Variants in XYLT1 observed in about 807,000 individuals in gnomAD.
XYLT1 encodes the protein xylosyltransferase 1, also known as beta-D-xylosyltransferase 1.
A neutral mutation model predicts 91.3 loss-of-function variants in XYLT1; 36 were observed. That is an observed-to-expected ratio of 0.39 (90% CI 0.30 to 0.52). The LOEUF (loss-of-function observed/expected upper bound fraction) is 0.52. XYLT1 is among the 20% of genes least tolerant of loss of function. XYLT1 has a pLI of 0.68. For synonymous variants in XYLT1, 588 were observed against 532.0 expected, an observed-to-expected ratio of 1.11 and a Z score of -1.45; for missense variants, 1,242 against 1,284.5, an observed-to-expected ratio of 0.97 and a Z score of 0.51.
At chr16:17,120,161 C>T (rs1357220264) in intron 10 of XYLT1, among the ~76,000 whole-genome samples, 1 of 152,146 alleles carries the variant, frequency 6.6e-6, no homozygotes, top group East Asian at 1.9e-4. Context: ...GTGCCCGGAA[C>T]ACAGTAGGAA....
At chr16:17,182,934 G>A (rs2032103238) in intron 5 of XYLT1, among the ~76,000 whole-genome samples, 1 of 152,148 alleles carries the variant, frequency 6.6e-6, no homozygotes, top group Non-Finnish European at 1.5e-5. Context: ...AGTAAAGCTT[G>A]GATATTCCAT....
At chr16:17,198,807 C>T (rs1237687280) in intron 4 of XYLT1, among the ~76,000 whole-genome samples, 1 of 152,104 alleles carries the variant, frequency 6.6e-6, no homozygotes, top group African/African-American at 2.4e-5. Flanking sequence ...CAAAGTGGTG[C>T]CATCTCAGCT....
intron 10 of XYLT1, among the ~76,000 whole-genome samples, chr16:17,126,746 C>A (rs1306659845): frequency 6.6e-6 from 1 of 152,214 alleles, no homozygotes; most frequent in Non-Finnish European, 1.5e-5. Context: ...CCAGGTGCTG[C>A]AGTTTTGTGT....
At position 17,103,445 on chromosome 16, in the gene XYLT1, A is replaced by G. The variant is rs543865389; in HGVS notation, c.*5250T>C. ...TAAGCAATTCCTATAGCATCTGCCAACTACAGATTGGCAGCCCCTTCCTTA... is the reference window on the plus strand; with the variant it reads ...TAAGCAATTCCTATAGCATCTGCCAGCTACAGATTGGCAGCCCCTTCCTTA... On this transcript the variant is annotated 3_prime_UTR_variant, in exon 12 of 12. Transcript: ENST00000261381. The G allele has an allele frequency of 6.6e-6, 1 of 152,314 alleles. No homozygotes were observed. The highest frequency in any genetic ancestry group is 2.1e-4 in the South Asian group (1 of 4,828). 9.4% of individuals were successfully genotyped at this position (152,314 alleles called of 1,614,324 possible).
chr16:17,259,133 C>A lies in XYLT1; in HGVS notation c.768G>T (p.Lys256Asn). The A allele has an allele frequency of 6.3e-7, 1 of 1,588,288 alleles. No individual in the cohort carries two copies. Among genetic ancestry groups the A allele is most frequent in the East Asian group, 2.2e-5 (1 of 44,532 alleles). Residue 256 changes from lysine (K) to asparagine (N), a missense_variant, in exon 3 of 12, where the codon AAG becomes AAT. Lys to Asn is a moderately conservative substitution (Grantham distance 94, BLOSUM62 0). Coordinates refer to ENST00000261381, the MANE Select transcript of XYLT1 (RefSeq NM_022166.4). ...SPETKYDQPPKCDISGKEAIS... is the reference protein window; with the variant it reads ...SPETKYDQPPNCDISGKEAIS... The stretch of plus-strand genomic sequence containing the variant: ...TGGCCTCCTTGCCTGAGATGTCACA[C>A]TTAGGGGGCTGGTCATACTTGGTCT...
chr16:17,326,566 G>C (rs1175170010), intron 2 of XYLT1, among the ~76,000 whole-genome samples: 4 of 151,722 alleles, frequency 2.6e-5, no homozygotes, highest in Non-Finnish European at 5.9e-5. Context: ...GCTCACGCCT[G>C]TAATCCCAGC....
chr16:17,172,002 A>C (rs2141557646), intron 5 of XYLT1, among the ~76,000 whole-genome samples: 1 of 152,342 alleles, frequency 6.6e-6, no homozygotes, highest in African/African-American at 2.4e-5. Context: ...AATTTTTCTG[A>C]ACAGCACTGT....
At chr16:17,141,062 GAA>G in intron 7 of XYLT1, 89 bp downstream of exon 7, 1 of 1,312,238 alleles carries the variant, frequency 7.6e-7, no homozygotes, top group Non-Finnish European at 1.1e-6. Context: ...GGTGGACCCA[GAA>G]TCTCTTTGCC....
intron 2 of XYLT1, among the ~76,000 whole-genome samples, chr16:17,298,222 AGACG>A (rs1385672317): frequency 6.6e-6 from 1 of 152,116 alleles, no homozygotes; most frequent in Non-Finnish European, 1.5e-5. Context: ...AGCCATGAGG[AGACG>A]GATGGTGTCA....
chr16:17,273,183 T>C (rs1037884997), intron 2 of XYLT1, among the ~76,000 whole-genome samples: 3 of 152,234 alleles, frequency 2.0e-5, no homozygotes, highest in Non-Finnish European at 4.4e-5. Context: ...GGTTTTAACA[T>C]AGCTGAATTT....
chr16:17,209,180 C>G (rs2032713363), intron 3 of XYLT1, among the ~76,000 whole-genome samples: 1 of 152,226 alleles, frequency 6.6e-6, no homozygotes, highest in Admixed American at 6.5e-5. Context: ...CCTCCTTCAG[C>G]TCCTGGAAAG....
chr16:17,199,356 G>C (rs778470677), intron 4 of XYLT1, among the ~76,000 whole-genome samples: 9 of 152,326 alleles, frequency 5.9e-5, no homozygotes, highest in South Asian at 4.1e-4. Context: ...ACACAGCCAT[G>C]CTCATTTGTT....
At position 17,219,280 on chromosome 16, in the gene XYLT1, C is replaced by CAAAAAAAAAAAAA. The variant is rs369055155; in HGVS notation, c.914-18639_914-18627dup. Among the ~76,000 whole-genome samples the CAAAAAAAAAAAAA allele has an allele frequency of 2.4e-5, 2 of 85,060 alleles. 1 individual carries two copies. The highest frequency in any genetic ancestry group is 4.4e-5 in the Non-Finnish European group (2 of 45,830). 55.8% of individuals were successfully genotyped at this position (85,060 alleles called of 152,430 possible). ...TGGGCGACTAAGCAAGACTTTGTCTCAAAAAAAAAAAAAAAAAAAAAGAAA... is the reference window on the plus strand; with the variant it reads ...TGGGCGACTAAGCAAGACTTTGTCTCAAAAAAAAAAAAAAAAAAAAAAAAAAAAAAAAAAGAAA... On this transcript the variant is annotated intron_variant, in intron 3 of 11. Coordinates refer to ENST00000261381, the MANE Select transcript of XYLT1 (RefSeq NM_022166.4).
chr16:17,255,469 C>A (rs530488495), intron 3 of XYLT1, among the ~76,000 whole-genome samples: 8 of 152,254 alleles, frequency 5.3e-5, no homozygotes, highest in Admixed American at 5.2e-4. Context: ...AATGTGCTGT[C>A]TCTGATATAC....
At chr16:17,228,146 G>A (rs2033100221) in intron 3 of XYLT1, 1 of 152,140 alleles carries the variant, frequency 6.6e-6, no homozygotes, top group Admixed American at 6.5e-5. Context: ...GCCAATAAGT[G>A]AGCTACAGTG....
At chr16:17,257,752 A>C (rs980728206) in intron 3 of XYLT1, among the ~76,000 whole-genome samples, 14 of 152,130 alleles carry the variant, frequency 9.2e-5, no homozygotes, top group Non-Finnish European at 4.4e-5. Flanking sequence ...GGGATTTTAC[A>C]TCTCTCATCT....
intron 6 of XYLT1, among the ~76,000 whole-genome samples, chr16:17,150,495 T>C (rs1376409846): frequency 1.3e-5 from 2 of 152,246 alleles, no homozygotes; most frequent in South Asian, 2.1e-4. Context: ...CTACCATTTA[T>C]TGAGCGTATA....
intron 2 of XYLT1, among the ~76,000 whole-genome samples, chr16:17,351,749 T>TGCG (rs1555499397): frequency 7.4e-6 from 1 of 134,844 alleles, no homozygotes; most frequent in Non-Finnish European, 1.6e-5. Flanking sequence ...GCTTTTTTTT[T>TGCG]GGGGGGGGGT....
At chr16:17,166,645 G>A (rs966281721) in intron 5 of XYLT1, among the ~76,000 whole-genome samples, 25 of 151,584 alleles carry the variant, frequency 1.6e-4, no homozygotes, top group African/African-American at 5.8e-4. Flanking sequence ...TTGAGTAGCT[G>A]GAATTATAGG....
Sources: allele counts gnomAD v4.1 joint callset (sites outside exome capture counted in the v4.1 genomes callset), GRCh38; gene constraint gnomAD v4.1.1; transcripts MANE v1.5; gene names NCBI Gene and HGNC (gene_info 2026-07-23, HGNC 2026-07-21).